Variants in AMMECR1L observed in about 807,000 individuals in gnomAD.
The protein encoded by AMMECR1L is AMMECR1 like.
AMMECR1L carries 4 observed loss-of-function variants against 36.8 expected under a neutral mutation model. The observed-to-expected ratio is 0.11, with a 90% CI of 0.05 to 0.25. AMMECR1L has a LOEUF of 0.25. AMMECR1L is among the 10% of genes least tolerant of loss of function. AMMECR1L has a pLI of 1.00. For synonymous variants in AMMECR1L, 147 were observed against 148.0 expected (o/e 0.99, Z 0.05); for missense variants, 232 against 392.1 (o/e 0.59, Z 3.45).
At chr2:127,877,808 A>G (rs1268186248) in intron 2 of AMMECR1L, among the ~76,000 whole-genome samples, 4 of 152,172 alleles carry the variant, frequency 2.6e-5, no homozygotes, top group East Asian at 1.9e-4. Context: ...TATAATCCCA[A>G]CACTTTGGGA....
At chr2:127,872,444 G>A (rs901974538) in intron 3 of AMMECR1L, among the ~76,000 whole-genome samples, 5 of 152,116 alleles carry the variant, frequency 3.3e-5, no homozygotes, top group Non-Finnish European at 7.4e-5. Context: ...AGATTTTTTA[G>A]CAAGAGGTTT....
At chr2:127,885,652 C>T (rs903899524) in intron 1 of AMMECR1L, 158 bp downstream of exon 1, 1 of 984,414 alleles carries the variant, frequency 1.0e-6, no homozygotes. Flanking sequence ...CTCCTCCCCC[C>T]CGCTGCCCCC....
In AMMECR1L at chr2:127,865,220, A is replaced by G; in HGVS notation, c.822-15T>C. The G allele has an allele frequency of 1.3e-6, 2 of 1,597,424 alleles. No homozygotes were observed. The highest frequency in any genetic ancestry group is 8.6e-7 in the Non-Finnish European group (1 of 1,167,250). On this transcript the variant is annotated splice_polypyrimidine_tract_variant and intron_variant, in intron 7 of 7. Coordinates refer to ENST00000272647, the MANE Select transcript of AMMECR1L (RefSeq NM_001199140.2). This position sits in a 1 kb window ranked among gnomAD's most constrained non-coding sequence, Gnocchi z 5.4. ...CACTTCGGTACCTGTATGAGGAAAC[A>G]GGAAAGGGTATTAGGAACCCCAAAC...
At position 127,871,046 on chromosome 2, in the gene AMMECR1L, C is replaced by G; in HGVS notation, c.519-118G>C. On this transcript the variant is annotated intron_variant, in intron 4 of 7. Coordinates refer to ENST00000272647, the MANE Select transcript of AMMECR1L (RefSeq NM_001199140.2). The surrounding 1 kb of genome is among the most constrained non-coding windows in gnomAD (Gnocchi z 4.3). Reference sequence around the variant, plus strand: ...TATGCAGAGAGTATCTATTGTTCATCAACACTAACATGTTAAAAACAACTC... The same window carrying G: ...TATGCAGAGAGTATCTATTGTTCATGAACACTAACATGTTAAAAACAACTC... 1.1e-6 allele frequency: 1 copy of G among 921,172 alleles called. No homozygotes were observed. The highest frequency in any genetic ancestry group is 1.6e-6 in the Non-Finnish European group (1 of 611,596). 57.1% of individuals were successfully genotyped at this position (921,172 alleles called of 1,614,324 possible). A position where few individuals can be genotyped will look rare whatever the true frequency, so the allele number is the denominator to read the frequency against.
chr2:127,884,475 C>A (rs1003791815), intron 1 of AMMECR1L, among the ~76,000 whole-genome samples, 163 bp from the exon 2 acceptor site: 4 of 152,130 alleles, frequency 2.6e-5, no homozygotes, highest in African/African-American at 9.7e-5. Context: ...ACCTTGCAAA[C>A]TCTAAATCTG....
intron 1 of AMMECR1L, 148 bp downstream of exon 1, chr2:127,885,662 C>G: frequency 1.0e-6 from 1 of 984,152 alleles, no homozygotes; most frequent in Non-Finnish European, 1.2e-6. Context: ...CCGCTGCCCC[C>G]GGACCCTCGC....
Position 127,869,685 on chromosome 2 carries a change from T to C in AMMECR1L, c.634-141A>G, listed in dbSNP as rs1016130439. On this transcript the variant is annotated intron_variant, in intron 5 of 7. Coordinates refer to ENST00000272647, the MANE Select transcript of AMMECR1L (RefSeq NM_001199140.2). This position sits in a 1 kb window ranked among gnomAD's most constrained non-coding sequence, Gnocchi z 4.7. Reference sequence around the variant, plus strand: ...AGACCTTCTCGCATTTCATGACTAATTCTATCTCAGGAGGTATAGAGGCCA... The same window carrying C: ...AGACCTTCTCGCATTTCATGACTAACTCTATCTCAGGAGGTATAGAGGCCA... 1 of 717,440 alleles carries C rather than the reference T, an allele frequency of 1.4e-6. No homozygotes were observed. Among genetic ancestry groups the C allele is most frequent in the Non-Finnish European group, 2.4e-6 (1 of 420,714 alleles). The allele number at this position is 717,440 out of a possible 1,614,324, so 44.4% of individuals were successfully genotyped here.
In AMMECR1L at chr2:127,865,151, C is replaced by T. The variant is rs772093306; in HGVS notation, c.876G>A (p.Gln292=). ...ISYAEYIASR[Q]HCFQNGTLHA... Reference sequence around the variant, plus strand: ...GAAGAGTGCCGTTCTGGAAACAGTGCTGTCGGGAAGCAATATACTCTGCGT... The same window carrying T: ...GAAGAGTGCCGTTCTGGAAACAGTGTTGTCGGGAAGCAATATACTCTGCGT... The change falls in exon 8 of 8, where the codon CAG becomes CAA. Residue 292 remains glutamine, a synonymous_variant. Coordinates refer to ENST00000272647, the MANE Select transcript of AMMECR1L (RefSeq NM_001199140.2). This position sits in a 1 kb window ranked among gnomAD's most constrained non-coding sequence, Gnocchi z 5.4. 6.2e-7 allele frequency: 1 copy of T among 1,613,878 alleles called. No individual in the cohort carries two copies. Among genetic ancestry groups the T allele is most frequent in the Non-Finnish European group, 8.5e-7 (1 of 1,179,884 alleles).
chr2:127,876,595 TCCAAAGCCAGGTGG>T (rs1027959389), intron 2 of AMMECR1L, among the ~76,000 whole-genome samples: 4 of 152,164 alleles, frequency 2.6e-5, no homozygotes, highest in Non-Finnish European at 5.9e-5. Flanking sequence ...AAATGCTGCC[TCCAAAGCCAGGTGG>T]CCTGGGCTCA....
chr2:127,873,598 A>G lies in AMMECR1L; in HGVS notation c.407+230T>C. ...AATGAACTCACTTGATTTCCAGAAC[A>G]TTACTTTAACAACAAGCCTACAGCC... On this transcript the variant is annotated intron_variant, in intron 3 of 7. Transcript: ENST00000272647. This position sits in a 1 kb window ranked among gnomAD's most constrained non-coding sequence, Gnocchi z 5.2. 2 of 985,446 alleles carry G rather than the reference A, an allele frequency of 2.0e-6. No individual in the cohort carries two copies. Among genetic ancestry groups the G allele is most frequent in the Non-Finnish European group, 2.4e-6 (2 of 829,932 alleles). The allele number at this position is 985,446 out of a possible 1,614,324, so 61.0% of individuals were successfully genotyped here. A position where few individuals can be genotyped will look rare whatever the true frequency, so the allele number is the denominator to read the frequency against.
At chr2:127,878,096 G>C (rs1384756587) in intron 2 of AMMECR1L, among the ~76,000 whole-genome samples, 1 of 152,086 alleles carries the variant, frequency 6.6e-6, no homozygotes, top group Non-Finnish European at 1.5e-5. Flanking sequence ...TTAATTTCTA[G>C]GGTATGTTAA....
intron 2 of AMMECR1L, among the ~76,000 whole-genome samples, chr2:127,877,020 AATAT>A (rs10559478): frequency 1.4e-5 from 2 of 144,928 alleles, no homozygotes; most frequent in African/African-American, 5.1e-5. Flanking sequence ...TCTGTCTCCA[AATAT>A]ATATATATAT....
At chr2:127,883,420 T>C (rs1237505397) in intron 2 of AMMECR1L, among the ~76,000 whole-genome samples, 3 of 152,170 alleles carry the variant, frequency 2.0e-5, no homozygotes, top group African/African-American at 7.2e-5. Flanking sequence ...CATTTCAACT[T>C]AGCTTAAAGA....
At chr2:127,879,960 A>G (rs1229838986) in intron 2 of AMMECR1L, among the ~76,000 whole-genome samples, 3 of 152,178 alleles carry the variant, frequency 2.0e-5, no homozygotes, top group Admixed American at 2.0e-4. Context: ...AAAAACTACC[A>G]AGGATGGTAC....
intron 6 of AMMECR1L, 115 bp from the exon 7 acceptor site, chr2:127,867,111 G>A (rs1455076746): frequency 1.3e-6 from 2 of 1,527,128 alleles, no homozygotes; most frequent in Non-Finnish European, 1.8e-6. Flanking sequence ...GTCTGCTAAG[G>A]CAGAGGAAGC....
At chr2:127,866,809 C>G in intron 7 of AMMECR1L, 91 bp downstream of exon 7, 1 of 1,247,540 alleles carries the variant, frequency 8.0e-7, no homozygotes, top group Non-Finnish European at 1.2e-6. Flanking sequence ...GGGACATTCA[C>G]AGAGAACACT....
chr2:127,877,376 C>T (rs1381679591), intron 2 of AMMECR1L, among the ~76,000 whole-genome samples: 1 of 151,374 alleles, frequency 6.6e-6, no homozygotes, highest in Non-Finnish European at 1.5e-5. Context: ...CACTCTGTCA[C>T]CCAGGCTGCA....
chr2:127,870,741 G>C, intron 5 of AMMECR1L, 73 bp downstream of exon 5: 6 of 1,132,882 alleles, frequency 5.3e-6, no homozygotes, highest in Non-Finnish European at 7.6e-6. Context: ...CAATGAAGGA[G>C]ATACATTGCC....
intron 2 of AMMECR1L, among the ~76,000 whole-genome samples, chr2:127,875,803 T>TTCTC (rs1462018156): frequency 6.6e-6 from 1 of 151,072 alleles, no homozygotes; most frequent in Non-Finnish European, 1.5e-5. Context: ...CTCTCTCTCT[T>TTCTC]TTTCTTTAAG....
Sources: gnomAD v4.1 joint callset for allele counts (sites outside exome capture counted in the v4.1 genomes callset) on GRCh38, gnomAD v4.1.1 for gene constraint, Gnocchi (gnomAD v3.1) non-coding constraint, MANE v1.5 for transcripts, NCBI Gene and HGNC (gene_info 2026-07-23, HGNC 2026-07-21) for gene names.